MTSS1: variants seen among roughly 807,000 people sequenced by gnomAD.
MTSS1 encodes protein MTSS 1.
A neutral mutation model predicts 79.0 loss-of-function variants in MTSS1; 18 were observed. The observed-to-expected ratio is 0.23, with a 90% CI of 0.16 to 0.34. The LOEUF (loss-of-function observed/expected upper bound fraction) is 0.34. Among genes scored for constraint, MTSS1 ranks in the 10% least tolerant of loss-of-function variants. The probability of loss-of-function intolerance (pLI) is 1.00; values close to 1 mark genes in which losing one functional copy is unlikely to be tolerated. For synonymous variants in MTSS1, 341 were observed against 368.6 expected, an observed-to-expected ratio of 0.93 and a Z score of 0.86; for missense variants, 815 against 986.2, an observed-to-expected ratio of 0.83 and a Z score of 2.33.
chr8:124,585,241 T>C (rs867900982), intron 5 of MTSS1, 80 bp from the exon 6 acceptor site: 1 of 1,015,720 alleles, frequency 9.8e-7, no homozygotes, highest in Middle Eastern at 2.9e-4. Context: ...GCCATTACAT[T>C]TATCACAGAA....
intron 3 of MTSS1, among the ~76,000 whole-genome samples, chr8:124,674,789 T>C (rs1403495692): frequency 6.6e-6 from 1 of 152,034 alleles, no homozygotes; most frequent in African/African-American, 2.4e-5. Context: ...AGTGGCACTC[T>C]CAACGCACTG....
chr8:124,595,698 C>A (rs181675522), intron 3 of MTSS1, among the ~76,000 whole-genome samples: 1 of 152,112 alleles, frequency 6.6e-6, no homozygotes, highest in African/African-American at 2.4e-5. Flanking sequence ...CCTTTGGCCA[C>A]GTACAGTAAC....
At chr8:124,558,397 T>A (rs1824495174) in intron 10 of MTSS1, among the ~76,000 whole-genome samples, 1 of 151,752 alleles carries the variant, frequency 6.6e-6, no homozygotes, top group South Asian at 2.1e-4. Context: ...CATCCAACGG[T>A]CTGGTGGGTG....
chr8:124,697,453 G>A (rs950742973), intron 3 of MTSS1, among the ~76,000 whole-genome samples: 5 of 152,042 alleles, frequency 3.3e-5, no homozygotes, highest in African/African-American at 4.8e-5. Flanking sequence ...CCAGCTACAC[G>A]GGAGGCTGAG....
chr8:124,622,156 G>A lies in MTSS1; in HGVS notation c.209-30921C>T, dbSNP rs188023843. ...GAGATCCTGCCTTCTGCCACAATTC[G>A]GATGAACCTGGAGGACGTTATGCTA... On this transcript the variant is annotated intron_variant, in intron 3 of 13. Coordinates refer to ENST00000518547, the MANE Select transcript of MTSS1 (RefSeq NM_014751.6). Among the ~76,000 whole-genome samples, 5 of 151,844 alleles carry A rather than the reference G, an allele frequency of 3.3e-5. No homozygotes were observed. The East Asian group carries it at 5.8e-4, about 18-fold the overall frequency.
At chr8:124,633,259 A>C (rs1048167506) in intron 3 of MTSS1, among the ~76,000 whole-genome samples, 1 of 152,166 alleles carries the variant, frequency 6.6e-6, no homozygotes, top group Non-Finnish European at 1.5e-5. Flanking sequence ...AAAGGCCTTA[A>C]TAATTTTATG....
chr8:124,555,539 C>T (rs770965650), intron 13 of MTSS1, among the ~76,000 whole-genome samples: 15 of 152,234 alleles, frequency 9.9e-5, no homozygotes, highest in Admixed American at 5.2e-4. Flanking sequence ...AGCCACTGCG[C>T]CCGACCCCAG....
At chr8:124,700,384 G>A (rs1330908296) in intron 2 of MTSS1, among the ~76,000 whole-genome samples, 1 of 152,050 alleles carries the variant, frequency 6.6e-6, no homozygotes, top group Non-Finnish European at 1.5e-5. Context: ...CCACAAATAC[G>A]AGGCCACAAA....
In MTSS1 at chr8:124,621,420, A is replaced by T. The variant is rs191117583; in HGVS notation, c.209-30185T>A. The stretch of plus-strand genomic sequence containing the variant: ...GCACTTGGTGGGGGCAGTCTTCCTT[A>T]AACAGGGACTGGAAAGCCAGGCCCA... On this transcript the variant is annotated intron_variant, in intron 3 of 13. Transcript: ENST00000518547. Among the ~76,000 whole-genome samples the T allele has an allele frequency of 3.1e-3, 474 of 152,314 alleles. 1 individual carries two copies. Among genetic ancestry groups the T allele is most frequent in the African/African-American group, 1.0e-2 (414 of 41,570 alleles).
intron 12 of MTSS1, 44 bp from the exon 13 acceptor site, chr8:124,555,948 G>T (rs11985150): frequency 3.1e-6 from 5 of 1,594,760 alleles, no homozygotes; most frequent in East Asian, 4.5e-5. Context: ...TTTAGGGGGG[G>T]GGCTCAACAG....
chr8:124,594,167 C>A (rs1266051637), intron 3 of MTSS1, among the ~76,000 whole-genome samples: 6 of 152,206 alleles, frequency 3.9e-5, no homozygotes, highest in Non-Finnish European at 8.8e-5. Context: ...CTTCTGTCAC[C>A]TTCCCAGGTA....
intron 3 of MTSS1, among the ~76,000 whole-genome samples, chr8:124,685,528 G>C (rs1022964183): frequency 7.2e-5 from 11 of 152,192 alleles, no homozygotes; most frequent in African/African-American, 2.7e-4. Context: ...TCCTGGAGGA[G>C]AGACCGCCTG....
chr8:124,625,529 G>C (rs955089749), intron 3 of MTSS1, among the ~76,000 whole-genome samples: 7 of 152,192 alleles, frequency 4.6e-5, no homozygotes, highest in African/African-American at 1.4e-4. Context: ...CAGACGTTCA[G>C]TTCTCCAACA....
At chr8:124,649,497 A>G (rs896361763) in intron 3 of MTSS1, among the ~76,000 whole-genome samples, 20 of 152,124 alleles carry the variant, frequency 1.3e-4, no homozygotes, top group African/African-American at 4.6e-4. Context: ...ACCTCTGGCT[A>G]TACAATTCAG....
intron 3 of MTSS1, among the ~76,000 whole-genome samples, chr8:124,667,447 C>T (rs890274475): frequency 6.6e-6 from 1 of 151,886 alleles, no homozygotes; most frequent in Non-Finnish European, 1.5e-5. Context: ...GAGTTTGAGA[C>T]CATCCTGACC....
chr8:124,718,770 G>C (rs1429728882), intron 1 of MTSS1, among the ~76,000 whole-genome samples: 3 of 152,136 alleles, frequency 2.0e-5, no homozygotes, highest in African/African-American at 7.2e-5. Context: ...CCTTGACAGA[G>C]GGGCTCCTCC....
In MTSS1 at chr8:124,699,619, C is replaced by T. The variant is rs1248096075; in HGVS notation, c.135-20G>A. ...GTTGTCCTAAAATGCAAACAGATAA[C>T]AAAAGCATAAGGAATGTCTCTCCCT... On this transcript the variant is annotated intron_variant, in intron 2 of 13. Coordinates refer to ENST00000518547, the MANE Select transcript of MTSS1 (RefSeq NM_014751.6). 2.8e-5 allele frequency: 45 copies of T among 1,611,742 alleles called. No individual in the cohort carries two copies. The highest frequency in any genetic ancestry group is 3.6e-5 in the Non-Finnish European group (43 of 1,178,088).
At chr8:124,616,391 A>T (rs1836866730) in intron 3 of MTSS1, among the ~76,000 whole-genome samples, 1 of 148,962 alleles carries the variant, frequency 6.7e-6, no homozygotes, top group South Asian at 2.1e-4. Context: ...AAAAAAAAAA[A>T]AAAATCAGCT....
At position 124,699,567 on chromosome 8, in the gene MTSS1, T is replaced by C; in HGVS notation, c.167A>G (p.Asp56Gly). ...CATGTCAGCCACTTTCTGAAAGGCG[T>C]CCAAGAAGGCAGCTGCTGCTACTAC... is the stretch of plus-strand genomic sequence containing the variant. ...TTVVAAAAFLDAFQKVADMAT... is the reference protein window; with the variant it reads ...TTVVAAAAFLGAFQKVADMAT... Residue 56 changes from aspartate to glycine, a missense_variant, in exon 3 of 14, where the codon GAC becomes GGC. By Grantham distance (94) the Asp-to-Gly change is moderately conservative. Transcript: ENST00000518547. 6.2e-7 allele frequency: 1 copy of C among 1,614,158 alleles called. No homozygotes were observed. The highest frequency in any genetic ancestry group is 1.3e-5 in the African/African-American group (1 of 75,050).
Sources: allele counts gnomAD v4.1 joint callset (sites outside exome capture counted in the v4.1 genomes callset), GRCh38; gene constraint gnomAD v4.1.1; transcripts MANE v1.5; gene names NCBI Gene and HGNC (gene_info 2026-07-23, HGNC 2026-07-21).